ZNF2: variants seen among roughly 807,000 people sequenced by gnomAD.
ZNF2 encodes the protein zinc finger protein 2.2.
Under a neutral mutation model 21.9 loss-of-function variants are expected in ZNF2, and 12 were observed. The ratio of observed to expected loss-of-function variants is 0.55; its 90% confidence interval spans 0.35 to 0.89. The LOEUF (loss-of-function observed/expected upper bound fraction) is 0.89, where lower values mean the gene tolerates loss of function less well. Among genes scored for constraint, ZNF2 ranks in the 40% least tolerant of loss-of-function variants. The pLI is 0.01. For synonymous variants in ZNF2, 186 were observed against 196.3 expected (o/e 0.95, Z 0.44); for missense variants, 462 against 544.2 (o/e 0.85, Z 1.50).
intron 1 of ZNF2, among the ~76,000 whole-genome samples, chr2:95,173,061 G>A (rs1376635287): frequency 6.7e-6 from 1 of 149,824 alleles, no homozygotes; most frequent in African/African-American, 2.5e-5. Flanking sequence ...TCTCAGATAT[G>A]TACACATTTG....
chr2:95,178,631 A>C (rs1368470722), intron 3 of ZNF2, among the ~76,000 whole-genome samples: 1 of 152,144 alleles, frequency 6.6e-6, no homozygotes, highest in African/African-American at 2.4e-5. Flanking sequence ...GCCTCAGCAA[A>C]AGGGAAGTTT....
At chr2:95,172,667 C>T (rs1283043978) in intron 1 of ZNF2, among the ~76,000 whole-genome samples, 1 of 145,782 alleles carries the variant, frequency 6.9e-6, no homozygotes, top group African/African-American at 2.5e-5. Flanking sequence ...GATGGAGTCT[C>T]ACTCTGTCAC....
intron 1 of ZNF2, 76 bp from the exon 2 acceptor site, chr2:95,176,112 C>T: frequency 1.5e-6 from 2 of 1,305,168 alleles, no homozygotes; most frequent in Non-Finnish European, 2.2e-6. Context: ...GTATGTGCTT[C>T]ATGGGTCAAA....
At position 95,173,513 on chromosome 2, in the gene ZNF2, C is replaced by T. The variant is rs549734134; in HGVS notation, c.-39-2675C>T. On this transcript the variant is annotated intron_variant, in intron 1 of 4. Coordinates refer to ENST00000614034, the MANE Select transcript of ZNF2 (RefSeq NM_021088.4). ...ATCATGGTAGCATGAAAGTTAAAAC[C>T]TCCCAGGCAGACATGGTTTCAAGTT... is the stretch of plus-strand genomic sequence containing the variant. Among the ~76,000 whole-genome samples, 80 of 152,320 alleles carry T rather than the reference C, an allele frequency of 5.3e-4. No individual in the cohort carries two copies. In the South Asian group the frequency reaches 7.5e-3, roughly 14 times the overall value.
rs1383034996 is a variant in ZNF2, at chr2:95,181,340, G to A, written c.512G>A (p.Arg171Lys). The A allele has an allele frequency of 6.2e-7, 1 of 1,614,096 alleles. No homozygotes were observed. Among genetic ancestry groups the A allele is most frequent in the Non-Finnish European group, 8.5e-7 (1 of 1,180,050 alleles). ...ALSREILTKE[R>K]HQECSDCGKT... ...TCCAGGGAAATTCTCACTAAAGAGA[G>A]ACACCAGGAATGCAGTGACTGTGGG... is the stretch of plus-strand genomic sequence containing the variant. The change falls in exon 5 of 5, where the codon AGA becomes AAA. Residue 171 changes from arginine to lysine, a missense_variant. Physicochemically the swap from Arg to Lys is conservative, Grantham distance 26. Transcript: ENST00000614034.
chr2:95,175,127 G>A (rs1260023873), intron 1 of ZNF2, among the ~76,000 whole-genome samples: 5 of 151,994 alleles, frequency 3.3e-5, no homozygotes, highest in Admixed American at 1.3e-4. Flanking sequence ...CTTCCACCTC[G>A]GCTTCCCAAA....
At chr2:95,172,307 A>C (rs1193206520) in intron 1 of ZNF2, among the ~76,000 whole-genome samples, 1 of 152,192 alleles carries the variant, frequency 6.6e-6, no homozygotes, top group African/African-American at 2.4e-5. Flanking sequence ...GAACTGGGGA[A>C]CCCTCTCAAA....
intron 1 of ZNF2, among the ~76,000 whole-genome samples, chr2:95,173,956 G>A (rs758949935): frequency 6.6e-6 from 1 of 152,196 alleles, no homozygotes; most frequent in African/African-American, 2.4e-5. Context: ...TGATCCGCAT[G>A]TCTTGGCCTC....
chr2:95,172,883 C>T (rs759164119), intron 1 of ZNF2, among the ~76,000 whole-genome samples: 2 of 151,742 alleles, frequency 1.3e-5, no homozygotes, highest in Non-Finnish European at 2.9e-5. Flanking sequence ...GTGATCCACA[C>T]GCCTCGGTCT....
Position 95,181,393 on chromosome 2 carries a change from AC to A in ZNF2, c.568del (p.Arg190AlafsTer31). On this transcript the variant is annotated frameshift_variant, in exon 5 of 5. Coordinates refer to ENST00000614034, the MANE Select transcript of ZNF2 (RefSeq NM_021088.4). LOFTEE classifies it high-confidence loss of function. ...GACCTTTTTTGACCACTCATCCCTCACCCGCCATCAGAGGACTCACACTGGG... is the reference window on the plus strand; with the variant it reads ...GACCTTTTTTGACCACTCATCCCTCACCGCCATCAGAGGACTCACACTGGG... ...GKTFFDHSSL[T>X]RHQRTHTGEK... 1 of 1,613,924 alleles carries A rather than the reference AC, an allele frequency of 6.2e-7. No individual in the cohort carries two copies. The highest frequency in any genetic ancestry group is 8.5e-7 in the Non-Finnish European group (1 of 1,179,960).
At chr2:95,171,937 T>G (rs1674286193) in intron 1 of ZNF2, among the ~76,000 whole-genome samples, 1 of 152,132 alleles carries the variant, frequency 6.6e-6, no homozygotes, top group African/African-American at 2.4e-5. Flanking sequence ...TACTTCTGGC[T>G]AAGAGTATGA....
At chr2:95,165,940 G>T (rs1406872969) in intron 1 of ZNF2, 80 bp downstream of exon 1, 1 of 152,294 alleles carries the variant, frequency 6.6e-6, no homozygotes, top group Non-Finnish European at 1.5e-5. Context: ...CTTTGGGGAG[G>T]TGCTGTGGGA....
chr2:95,177,684 C>T, intron 3 of ZNF2, 75 bp downstream of exon 3: 1 of 1,515,208 alleles, frequency 6.6e-7, no homozygotes, highest in Non-Finnish European at 8.9e-7. Context: ...GGAATTAATA[C>T]CGTTCTCCTC....
At chr2:95,166,924 C>T (rs1674066252) in intron 1 of ZNF2, among the ~76,000 whole-genome samples, 1 of 152,144 alleles carries the variant, frequency 6.6e-6, no homozygotes, top group South Asian at 2.1e-4. Context: ...GAATGCAATA[C>T]AGTTGTATTG....
rs1674721090 is a variant in ZNF2, at chr2:95,182,729, A to AT, written c.*625dup. On this transcript the variant is annotated 3_prime_UTR_variant, in exon 5 of 5. Coordinates refer to ENST00000614034, the MANE Select transcript of ZNF2 (RefSeq NM_021088.4). ...GATGAGCACCCTGAGGTTTAGAGAG[A>AT]TTAAATCACTTGCCCAAGGTGAACC... is the stretch of plus-strand genomic sequence containing the variant. The AT allele has an allele frequency of 6.6e-6, 1 of 152,660 alleles. No individual in the cohort carries two copies. Among genetic ancestry groups the AT allele is most frequent in the Non-Finnish European group, 1.5e-5 (1 of 68,070 alleles). The allele number at this position is 152,660 out of a possible 1,614,324, so 9.5% of individuals were successfully genotyped here.
chr2:95,182,072 A>C lies in ZNF2; in HGVS notation c.1244A>C (p.His415Pro), dbSNP rs1436258047. The C allele has an allele frequency of 2.5e-6, 4 of 1,610,972 alleles. No individual in the cohort carries two copies. The African/African-American group carries it at 4.0e-5, about 16-fold the overall frequency. ...VFSSKSSVIQHQRRYAKQGID is the reference protein window; with the variant it reads ...VFSSKSSVIQPQRRYAKQGID ...AGTTCAAAATCTTCTGTTATTCAAC[A>C]TCAACGGCGTTACGCCAAACAGGGA... is the stretch of plus-strand genomic sequence containing the variant. Residue 415 changes from histidine to proline, a missense_variant, in exon 5 of 5, where the codon CAT becomes CCT. Transcript: ENST00000614034.
chr2:95,167,439 G>A (rs1200698786), intron 1 of ZNF2, among the ~76,000 whole-genome samples: 1 of 150,352 alleles, frequency 6.7e-6, no homozygotes, highest in Non-Finnish European at 1.5e-5. Context: ...CCGGCAGGCG[G>A]AGCTTGCAGT....
chr2:95,168,424 C>CAA (rs5832794), intron 1 of ZNF2, among the ~76,000 whole-genome samples: 6 of 115,800 alleles, frequency 5.2e-5, no homozygotes, highest in East Asian at 2.7e-4. Flanking sequence ...GACTCCGTCT[C>CAA]AAAAAAAAAA....
At chr2:95,172,669 C>G (rs1222134202) in intron 1 of ZNF2, among the ~76,000 whole-genome samples, 1 of 146,786 alleles carries the variant, frequency 6.8e-6, no homozygotes, top group African/African-American at 2.5e-5. Context: ...TGGAGTCTCA[C>G]TCTGTCACCC....
Sources: gnomAD v4.1 joint callset for allele counts (sites outside exome capture counted in the v4.1 genomes callset) on GRCh38, gnomAD v4.1.1 for gene constraint, MANE v1.5 for transcripts, NCBI Gene and HGNC (gene_info 2026-07-23, HGNC 2026-07-21) for gene names.